Variants in LEMD3 observed in about 807,000 individuals in gnomAD.
LEMD3 encodes LEM domain containing 3, also known as inner nuclear membrane protein Man1.
Under a neutral mutation model 95.2 loss-of-function variants are expected in LEMD3, and 33 were observed. The observed-to-expected ratio is 0.35, with a 90% CI of 0.26 to 0.46. The LOEUF (loss-of-function observed/expected upper bound fraction) is 0.46. LEMD3 is among the 20% of genes least tolerant of loss of function. The pLI, the probability that LEMD3 is intolerant of heterozygous loss-of-function variation, is 1.00. For missense variants in LEMD3, 1,210 were observed against 1,192.8 expected (o/e 1.01, Z -0.21); for synonymous variants, 525 against 474.6 (o/e 1.11, Z -1.38).
At chr12:65,179,666 T>G (rs1868840100) in intron 1 of LEMD3, among the ~76,000 whole-genome samples, 1 of 152,206 alleles carries the variant, frequency 6.6e-6, no homozygotes, top group South Asian at 2.1e-4. Flanking sequence ...CATGCTGGGC[T>G]TAATACCTAG....
chr12:65,224,512 CT>C lies in LEMD3; in HGVS notation c.1695+5894del, dbSNP rs535198081. ...ACGATGTACTGCTCCCCCCTCCCCCCTACCACACACACACACAGTATTCTTG... is the reference window on the plus strand; with the variant it reads ...ACGATGTACTGCTCCCCCCTCCCCCCACCACACACACACACAGTATTCTTG... On this transcript the variant is annotated intron_variant, in intron 4 of 12. Transcript: ENST00000308330. 3.0e-4 allele frequency among the ~76,000 whole-genome samples: 45 copies of C among 152,170 alleles called. 1 individual carries two copies. Among genetic ancestry groups the C allele is most frequent in the African/African-American group, 7.9e-4 (33 of 41,542 alleles).
chr12:65,192,515 A>G (rs953776367), intron 1 of LEMD3, among the ~76,000 whole-genome samples: 1 of 152,106 alleles, frequency 6.6e-6, no homozygotes, highest in Non-Finnish European at 1.5e-5. Flanking sequence ...TAACAAAAAC[A>G]CATCTTTTAT....
chr12:65,245,542 C>T lies in LEMD3; in HGVS notation c.2388-127C>T. 43 of 723,588 alleles carry T rather than the reference C, an allele frequency of 5.9e-5. No individual in the cohort carries two copies. In the South Asian group the frequency reaches 6.6e-4, roughly 11 times the overall value. 44.8% of individuals were successfully genotyped at this position (723,588 alleles called of 1,614,324 possible). On this transcript the variant is annotated intron_variant, in intron 10 of 12. Transcript: ENST00000308330. ...TAGTCAACAAGCATTTACTTAATAC[C>T]AATTAAAATCGTATGTGGTTTTAAA... is the stretch of plus-strand genomic sequence containing the variant.
intron 1 of LEMD3, among the ~76,000 whole-genome samples, chr12:65,175,382 C>T (rs759885873): frequency 1.3e-5 from 2 of 152,196 alleles, no homozygotes; most frequent in Non-Finnish European, 1.5e-5. Flanking sequence ...CTTTTCTTCT[C>T]TAGTTGTTAC....
intron 2 of LEMD3, 82 bp from the exon 3 acceptor site, chr12:65,215,895 G>A (rs115287251): frequency 2.2e-6 from 1 of 446,420 alleles, no homozygotes; most frequent in East Asian, 3.9e-5. Context: ...TAAATTTACT[G>A]TTTTTTTTTT....
rs141297878 is a variant in LEMD3, at chr12:65,193,456, G to A, written c.1523-17470G>A. ...CAGCCTATGCAGTGTGTTTACTGGA[G>A]TTGTATGCATGCTCTTTTGAGGTGT... is the stretch of plus-strand genomic sequence containing the variant. On this transcript the variant is annotated intron_variant, in intron 1 of 12. Transcript: ENST00000308330. Among the ~76,000 whole-genome samples the A allele has an allele frequency of 2.8e-3, 432 of 152,228 alleles. 9 individuals carry two copies. The highest frequency in any genetic ancestry group is 9.7e-3 in the African/African-American group (402 of 41,562).
chr12:65,170,168 G>T lies in LEMD3; in HGVS notation c.572G>T (p.Arg191Met). 1 of 1,492,042 alleles carries T rather than the reference G, an allele frequency of 6.7e-7. No individual in the cohort carries two copies. The highest frequency in any genetic ancestry group is 8.9e-7 in the Non-Finnish European group (1 of 1,125,212). 92.4% of individuals were successfully genotyped at this position (1,492,042 alleles called of 1,614,324 possible). ...EVTNSNSAER[R>M]KPHSWWGARR... Reference sequence around the variant, plus strand: ...ACTAACAGCAACTCTGCAGAGCGAAGGAAGCCCCACTCGTGGTGGGGGGCC... The same window carrying T: ...ACTAACAGCAACTCTGCAGAGCGAATGAAGCCCCACTCGTGGTGGGGGGCC... Residue 191 changes from arginine to methionine, a missense_variant, in exon 1 of 13, where the codon AGG (arginine) becomes ATG (methionine). Physicochemically the swap from Arg to Met is moderately conservative, Grantham distance 91 (BLOSUM62 -1). This residue lies in a region of LEMD3 where 749 missense variants were observed against 622.9 expected (regional missense o/e 1.20). Coordinates refer to ENST00000308330, the MANE Select transcript of LEMD3 (RefSeq NM_014319.5).
chr12:65,239,843 C>T (rs918858750), intron 6 of LEMD3, 86 bp from the exon 7 acceptor site: 67 of 884,998 alleles, frequency 7.6e-5, no homozygotes, highest in South Asian at 5.2e-4. Flanking sequence ...AGGTTCATTC[C>T]GTTGTGGCAG....
intron 8 of LEMD3, 74 bp from the exon 9 acceptor site, chr12:65,240,835 A>T: frequency 7.7e-7 from 1 of 1,302,692 alleles, no homozygotes; most frequent in Non-Finnish European, 1.1e-6. Flanking sequence ...GTTAACTATT[A>T]CCTCAGATAC....
chr12:65,173,635 A>G (rs928095683), intron 1 of LEMD3, among the ~76,000 whole-genome samples: 1 of 152,222 alleles, frequency 6.6e-6, no homozygotes, highest in African/African-American at 2.4e-5. Flanking sequence ...GGTATTATTC[A>G]GAAATTTGGA....
chr12:65,210,095 C>G (rs548423801), intron 1 of LEMD3, among the ~76,000 whole-genome samples: 1 of 149,126 alleles, frequency 6.7e-6, no homozygotes, highest in African/African-American at 2.5e-5. Context: ...CATATTCAGC[C>G]GTAAACATTT....
At chr12:65,226,998 T>G (rs1042026579) in intron 4 of LEMD3, among the ~76,000 whole-genome samples, 6 of 151,842 alleles carry the variant, frequency 4.0e-5, no homozygotes, top group African/African-American at 1.5e-4. Flanking sequence ...ACAGTAAAAT[T>G]TATGGATAGT....
In LEMD3 at chr12:65,238,552, C is replaced by T. The variant is rs140496862; in HGVS notation, c.1746C>T (p.Ile582=). ...TATTTAACACTTCATTGCAGTGGAT[C>T]TTAGAAAATGGAAAAGATGTTGGAA... is the stretch of plus-strand genomic sequence containing the variant. ...EGIFNTSLQW[I]LENGKDVGIR... Residue 582 remains isoleucine (I), a synonymous_variant, in exon 5 of 13, where the codon ATC becomes ATT. Transcript: ENST00000308330. 1.3e-3 allele frequency: 2,060 copies of T among 1,611,902 alleles called. 6 individuals are homozygous for T. Among genetic ancestry groups the T allele is most frequent in the Non-Finnish European group, 1.4e-3 (1,660 of 1,178,160 alleles).
rs760683855 is a variant in LEMD3, at chr12:65,169,776, C to T, written c.180C>T (p.Gly60=). ...AACAGCACCGGTCAGGGGGCCGCGG[C>T]AACAAGACGCGGAACAGTAATAACA... ...EQQQHRSGGR[G]NKTRNSNNNN... The change falls in exon 1 of 13, where the codon GGC becomes GGT. Residue 60 remains glycine, a synonymous_variant. Transcript: ENST00000308330. 26 of 1,580,154 alleles carry T rather than the reference C, an allele frequency of 1.6e-5. No homozygotes were observed. In the East Asian group the frequency reaches 4.1e-4, roughly 25 times the overall value.
intron 2 of LEMD3, among the ~76,000 whole-genome samples, chr12:65,212,536 CAAA>C (rs35873080): frequency 1.4e-4 from 14 of 103,430 alleles, no homozygotes; most frequent in Admixed American, 6.2e-4. Flanking sequence ...GACTCCATCT[CAAA>C]AAAAAAAAAA....
At chr12:65,242,431 G>A (rs1870964988) in intron 9 of LEMD3, among the ~76,000 whole-genome samples, 1 of 151,810 alleles carries the variant, frequency 6.6e-6, no homozygotes, top group Admixed American at 6.6e-5. Flanking sequence ...TCAGATTTTT[G>A]TACCCAACTA....
At chr12:65,196,810 G>T (rs1294239329) in intron 1 of LEMD3, among the ~76,000 whole-genome samples, 1 of 152,106 alleles carries the variant, frequency 6.6e-6, no homozygotes, top group Non-Finnish European at 1.5e-5. Flanking sequence ...ACTTATGCCT[G>T]TTACTCATTG....
chr12:65,246,558 A>G lies in LEMD3; in HGVS notation c.*233A>G. 3 of 503,942 alleles carry G rather than the reference A, an allele frequency of 6.0e-6. No individual in the cohort carries two copies. The South Asian group carries it at 7.3e-5, about 12-fold the overall frequency. The allele number at this position is 503,942 out of a possible 1,614,324, so 31.2% of individuals were successfully genotyped here. A position where few individuals can be genotyped will look rare whatever the true frequency, so the allele number is the denominator to read the frequency against. On this transcript the variant is annotated 3_prime_UTR_variant, in exon 13 of 13. Transcript: ENST00000308330. ...GGAGCTCAGTTAAGCCAATACATTT[A>G]AAGTTTTGCATGAGGAACACTGACT...
intron 1 of LEMD3, among the ~76,000 whole-genome samples, chr12:65,196,779 C>T (rs1869445617): frequency 6.6e-6 from 1 of 152,098 alleles, no homozygotes; most frequent in African/African-American, 2.4e-5. Context: ...AAGTGATGAA[C>T]TCAAGGGGCT....
Sources: gnomAD v4.1 joint callset for allele counts (sites outside exome capture counted in the v4.1 genomes callset) on GRCh38, gnomAD v4.1.1 for gene constraint, gnomAD v4.1.1 regional missense constraint, MANE v1.5 for transcripts, NCBI Gene and HGNC (gene_info 2026-07-23, HGNC 2026-07-21) for gene names.